The following CCDC3 variants were observed in gnomAD, a reference collection of about 807,000 sequenced individuals.
The protein encoded by CCDC3 is coiled-coil domain containing 3.
In CCDC3, 24 loss-of-function variants were observed where a neutral mutation model predicts 21.4. The ratio of observed to expected loss-of-function variants is 1.12; its 90% CI spans 0.81 to 1.58. The LOEUF (loss-of-function observed/expected upper bound fraction) is 1.58. Among genes scored for constraint, CCDC3 ranks in the 40% most tolerant of loss-of-function variants. The pLI is 0.00. For missense variants in CCDC3, 425 were observed against 360.9 expected (o/e 1.18, Z -1.44); for synonymous variants, 186 against 166.0 (o/e 1.12, Z -0.93).
At chr10:12,935,280 A>T (rs1478973435) in intron 2 of CCDC3, among the ~76,000 whole-genome samples, 1 of 151,694 alleles carries the variant, frequency 6.6e-6, no homozygotes, top group African/African-American at 2.4e-5. Context: ...GTGCAGTGGC[A>T]CAATTTCAGC....
intron 2 of CCDC3, among the ~76,000 whole-genome samples, chr10:12,980,604 C>G (rs559605728): frequency 6.6e-6 from 1 of 152,238 alleles, no homozygotes; most frequent in African/African-American, 2.4e-5. Flanking sequence ...GAGAAGTTTG[C>G]ATGAGCTAAG....
At position 12,968,458 on chromosome 10, in the gene CCDC3, C is replaced by A. The variant is rs558946152; in HGVS notation, c.549+29880G>T. Among the ~76,000 whole-genome samples the A allele has an allele frequency of 5.3e-5, 8 of 152,148 alleles. No individual in the cohort carries two copies. The East Asian group carries it at 1.4e-3, about 26-fold the overall frequency. ...AACAAAAGCTTAGTAAGTTCATCACCAACAGACCTGTCTTACAAGAAAGGT... is the reference window on the plus strand; with the variant it reads ...AACAAAAGCTTAGTAAGTTCATCACAAACAGACCTGTCTTACAAGAAAGGT... On this transcript the variant is annotated intron_variant, in intron 2 of 2. Coordinates refer to ENST00000378825, the MANE Select transcript of CCDC3 (RefSeq NM_031455.4).
intron 3 of CCDC3, among the ~76,000 whole-genome samples, chr10:13,092,385 A>G (rs1341378709): frequency 6.6e-6 from 1 of 152,184 alleles, no homozygotes; most frequent in African/African-American, 2.4e-5. Context: ...AATACTGCCT[A>G]AGTGCTTCCA....
At chr10:12,986,255 A>G (rs1440506083) in intron 2 of CCDC3, among the ~76,000 whole-genome samples, 2 of 152,224 alleles carry the variant, frequency 1.3e-5, no homozygotes, top group African/African-American at 4.8e-5. Flanking sequence ...AGAGTTTTAC[A>G]CATGTACACA....
intron 5 of CCDC3, among the ~76,000 whole-genome samples, chr10:13,016,213 C>A (rs1369761032): frequency 1.3e-5 from 2 of 151,792 alleles, no homozygotes; most frequent in African/African-American, 4.8e-5. Flanking sequence ...TCAAAATTCC[C>A]CTCCCATAGA....
At chr10:13,004,203 A>C (rs1029265977), upstream of CCDC3, among the ~76,000 whole-genome samples, 3 of 152,222 alleles carry the variant, frequency 2.0e-5, no homozygotes, top group African/African-American at 2.4e-5. Flanking sequence ...AAGCACACAC[A>C]GTAAGTACAC....
chr10:12,951,804 CAAAAAAA>C lies in CCDC3; in HGVS notation c.549+46527_549+46533del, dbSNP rs71924811. 9.9e-4 allele frequency among the ~76,000 whole-genome samples: 60 copies of C among 60,482 alleles called. 1 individual carries two copies. The highest frequency in any genetic ancestry group is 3.4e-3 in the African/African-American group (44 of 12,768). The allele number at this position is 60,482 out of a possible 152,430, so 39.7% of individuals were successfully genotyped here. A position where few individuals can be genotyped will look rare whatever the true frequency, so the allele number is the denominator to read the frequency against. ...TGGACAACAGAGTGAGACTTCATCT[CAAAAAAA>C]AAAAAAAAAAAAAAAAGTTGTTCTT... On this transcript the variant is annotated intron_variant, in intron 2 of 2. Coordinates refer to ENST00000378825, the MANE Select transcript of CCDC3 (RefSeq NM_031455.4).
intron 3 of CCDC3, among the ~76,000 whole-genome samples, chr10:13,086,944 C>A (rs1837119308): frequency 1.3e-5 from 2 of 152,184 alleles, no homozygotes; most frequent in Admixed American, 1.3e-4. Flanking sequence ...ATGAAAGGGG[C>A]TGCAGATTCA....
intron 2 of CCDC3, among the ~76,000 whole-genome samples, chr10:12,956,277 G>A (rs1392346965): frequency 6.6e-6 from 1 of 152,222 alleles, no homozygotes; most frequent in African/African-American, 2.4e-5. Flanking sequence ...AGGCTGGACT[G>A]TCCCTGAGGG....
Position 13,032,000 on chromosome 10 carries a change from C to A in CCDC3, c.-2+17674G>T, listed in dbSNP as rs1461239317. 2.0e-5 allele frequency among the ~76,000 whole-genome samples: 3 copies of A among 152,164 alleles called. No individual in the cohort carries two copies. The South Asian group carries it at 6.2e-4, about 32-fold the overall frequency. ...TCCCTAACTCATTTTATGAGGCCAG[C>A]ATCATCCTGATACCAAAGCCGGGCA... On this transcript the variant is annotated intron_variant, in intron 5 of 6. Coordinates refer to the CCDC3 transcript ENST00000378839.
At chr10:12,949,584 A>G (rs1370945820) in intron 2 of CCDC3, among the ~76,000 whole-genome samples, 1 of 152,218 alleles carries the variant, frequency 6.6e-6, no homozygotes, top group Non-Finnish European at 1.5e-5. Context: ...ACTGAAGCTG[A>G]GCTGAATCCT....
At chr10:12,939,830 C>G (rs950095289) in intron 2 of CCDC3, among the ~76,000 whole-genome samples, 1 of 152,152 alleles carries the variant, frequency 6.6e-6, no homozygotes, top group Non-Finnish European at 1.5e-5. Context: ...ACAACAACAA[C>G]GACAACAAAA....
At chr10:13,037,375 A>T (rs552307143) in intron 5 of CCDC3, among the ~76,000 whole-genome samples, 1 of 152,316 alleles carries the variant, frequency 6.6e-6, no homozygotes, top group East Asian at 1.9e-4. Flanking sequence ...CCATTAACAC[A>T]TCCAACAAAA....
intron 5 of CCDC3, among the ~76,000 whole-genome samples, chr10:13,009,838 A>G (rs181211538): frequency 3.9e-3 from 590 of 152,386 alleles, no homozygotes; most frequent in Non-Finnish European, 7.0e-3. Flanking sequence ...AAACTTAGAC[A>G]TCATCAAAAT....
At chr10:13,097,588 G>T (rs1040066853) in intron 3 of CCDC3, among the ~76,000 whole-genome samples, 1 of 152,198 alleles carries the variant, frequency 6.6e-6, no homozygotes, top group African/African-American at 2.4e-5. Context: ...GCTTGGTGTG[G>T]TGGCACACGC....
At chr10:12,950,356 T>C (rs1195987997) in intron 2 of CCDC3, among the ~76,000 whole-genome samples, 1 of 152,178 alleles carries the variant, frequency 6.6e-6, no homozygotes, top group East Asian at 1.9e-4. Context: ...AAAGCAGTTT[T>C]AAGAGAAAGA....
At chr10:12,993,683 A>G (rs538273387) in intron 2 of CCDC3, among the ~76,000 whole-genome samples, 1 of 152,334 alleles carries the variant, frequency 6.6e-6, no homozygotes, top group African/African-American at 2.4e-5. Context: ...GGATGTTCCA[A>G]CGTGCCAAAG....
At chr10:12,919,795 A>G (rs926959492) in intron 2 of CCDC3, among the ~76,000 whole-genome samples, 2 of 152,186 alleles carry the variant, frequency 1.3e-5, no homozygotes, top group Admixed American at 1.3e-4. Flanking sequence ...TGCAGCTCCC[A>G]GGGAGATGTG....
At chr10:13,064,371 A>G (rs1836798609) in intron 4 of CCDC3, among the ~76,000 whole-genome samples, 1 of 152,196 alleles carries the variant, frequency 6.6e-6, no homozygotes, top group Non-Finnish European at 1.5e-5. Context: ...TCACGAAATA[A>G]ATTACATAAA....
Sources: gnomAD v4.1 joint callset for allele counts (sites outside exome capture counted in the v4.1 genomes callset) on GRCh38, gnomAD v4.1.1 for gene constraint, MANE v1.5 for transcripts, NCBI Gene and HGNC (gene_info 2026-07-23, HGNC 2026-07-21) for gene names.